CPN1: variants seen among roughly 807,000 people sequenced by gnomAD.
The protein encoded by CPN1 is carboxypeptidase N catalytic chain.
CPN1 carries 37 observed loss-of-function variants against 46.4 expected under a neutral mutation model. The observed-to-expected ratio is 0.80, with a 90% CI of 0.61 to 1.05. The LOEUF (loss-of-function observed/expected upper bound fraction) is 1.05. Among genes scored for constraint, CPN1 ranks in the 50% least tolerant of loss-of-function variants. CPN1 has a pLI of 0.00. For missense variants in CPN1, 563 were observed against 602.6 expected (o/e 0.93, Z 0.69); for synonymous variants, 224 against 235.4 (o/e 0.95, Z 0.44).
intron 6 of CPN1, among the ~76,000 whole-genome samples, chr10:100,054,870 T>A (rs1283752612): frequency 6.6e-6 from 1 of 151,228 alleles, no homozygotes; most frequent in Non-Finnish European, 1.5e-5. Context: ...TAATTTTTTT[T>A]ATTTGCTGTG....
At chr10:100,042,702 A>G (rs2041283171) in intron 8 of CPN1, 129 bp from the exon 9 acceptor site, 1 of 1,188,514 alleles carries the variant, frequency 8.4e-7, no homozygotes, top group Admixed American at 1.9e-5. Context: ...GTGGTGTCAT[A>G]TAGACTTGGC....
At chr10:100,061,572 G>A (rs1227535841) in intron 5 of CPN1, among the ~76,000 whole-genome samples, 2 of 152,152 alleles carry the variant, frequency 1.3e-5, no homozygotes, top group African/African-American at 4.8e-5. Context: ...TGCTAATCAA[G>A]AGACCACACT....
chr10:100,044,406 A>G (rs763401525), intron 8 of CPN1, among the ~76,000 whole-genome samples: 4 of 152,052 alleles, frequency 2.6e-5, no homozygotes, highest in Non-Finnish European at 5.9e-5. Flanking sequence ...ATAAGGTCTT[A>G]CTCTGTCATC....
At chr10:100,062,136 C>T (rs995973012) in intron 5 of CPN1, among the ~76,000 whole-genome samples, 4 of 152,218 alleles carry the variant, frequency 2.6e-5, no homozygotes, top group African/African-American at 9.6e-5. Context: ...GCTGCCTGGG[C>T]CATGGCCAGG....
At chr10:100,060,662 T>C (rs1779268610) in intron 5 of CPN1, among the ~76,000 whole-genome samples, 1 of 152,190 alleles carries the variant, frequency 6.6e-6, no homozygotes, top group South Asian at 2.1e-4. Flanking sequence ...TGAAGAATAA[T>C]AACTACAGCC....
At chr10:100,053,123 TA>T (rs1156802195) in intron 7 of CPN1, among the ~76,000 whole-genome samples, 3 of 152,226 alleles carry the variant, frequency 2.0e-5, no homozygotes, top group African/African-American at 7.2e-5. Flanking sequence ...ATTTGGCTAA[TA>T]GGCTCTGGTT....
intron 5 of CPN1, among the ~76,000 whole-genome samples, 194 bp downstream of exon 5, chr10:100,063,420 C>T (rs2041432454): frequency 6.6e-6 from 1 of 152,154 alleles, no homozygotes; most frequent in African/African-American, 2.4e-5. Flanking sequence ...TGTGCCCAGC[C>T]ATCCCCACCT....
intron 1 of CPN1, among the ~76,000 whole-genome samples, chr10:100,080,008 C>T (rs1451524929): frequency 6.6e-6 from 1 of 151,950 alleles, no homozygotes; most frequent in African/African-American, 2.4e-5. Context: ...ATTGCTTGAA[C>T]CCGGGAGGTG....
intron 1 of CPN1, among the ~76,000 whole-genome samples, chr10:100,080,754 G>A (rs929580366): frequency 1.3e-5 from 2 of 152,096 alleles, no homozygotes; most frequent in Non-Finnish European, 2.9e-5. Flanking sequence ...TTAGCCGGGC[G>A]TATTGGTGCA....
chr10:100,043,971 G>A (rs2041293963), intron 8 of CPN1, among the ~76,000 whole-genome samples: 1 of 152,166 alleles, frequency 6.6e-6, no homozygotes, highest in African/African-American at 2.4e-5. Context: ...CCAGGCTGAA[G>A]AGGAAGGAGA....
chr10:100,054,837 CTTTCTTTT>C (rs2041375875), intron 6 of CPN1, among the ~76,000 whole-genome samples: 1 of 125,996 alleles, frequency 7.9e-6, no homozygotes, highest in African/African-American at 2.9e-5. Flanking sequence ...TCTTTTCTTT[CTTTCTTTT>C]TTTTTTTTTT....
intron 5 of CPN1, among the ~76,000 whole-genome samples, chr10:100,061,134 ATAGT>A (rs531316194): frequency 6.6e-6 from 1 of 152,178 alleles, no homozygotes; most frequent in Non-Finnish European, 1.5e-5. Context: ...GATACAAAAA[ATAGT>A]TAGAAAGAAT....
chr10:100,043,385 A>G (rs1256382965), intron 8 of CPN1, among the ~76,000 whole-genome samples: 2 of 146,300 alleles, frequency 1.4e-5, no homozygotes, highest in Non-Finnish European at 3.0e-5. Context: ...ACAGAGTGAG[A>G]TTCCATCTCA....
At chr10:100,064,874 C>T (rs911091674) in intron 4 of CPN1, among the ~76,000 whole-genome samples, 1 of 151,922 alleles carries the variant, frequency 6.6e-6, no homozygotes, top group African/African-American at 2.4e-5. Context: ...CTACTTTAGA[C>T]CCCCCCAAAA....
At chr10:100,066,361 G>A (rs2041454856) in intron 3 of CPN1, among the ~76,000 whole-genome samples, 1 of 152,196 alleles carries the variant, frequency 6.6e-6, no homozygotes, top group African/African-American at 2.4e-5. Context: ...CACTGCTCCA[G>A]TGACTTCTAA....
Position 100,065,247 on chromosome 10 carries a change from C to A in CPN1, c.700G>T (p.Val234Phe). ...CTGGCGGTGCGGCGGACCCCTCGGA[C>A]CCGGTGCTCAAAGGACTTGTCATAC... ...YPYDKSFEHR[V>F]RGVRRTASTP... The change falls in exon 4 of 9, where the codon GTC becomes TTC. Residue 234 changes from valine (V) to phenylalanine (F), a missense_variant. By Grantham distance (50) the Val-to-Phe change is conservative (BLOSUM62 -1). Transcript: ENST00000370418. 1 of 1,614,144 alleles carries A rather than the reference C, an allele frequency of 6.2e-7. No homozygotes were observed. Among genetic ancestry groups the A allele is most frequent in the Non-Finnish European group, 8.5e-7 (1 of 1,180,028 alleles).
chr10:100,046,766 T>C (rs12772115), intron 8 of CPN1, among the ~76,000 whole-genome samples: 36,774 of 148,098 alleles, frequency 0.25, 5,597 homozygotes, highest in Non-Finnish European at 0.35. Context: ...AGCAAGACTC[T>C]AGTCTCAAAA....
At chr10:100,047,772 G>C (rs899989227) in intron 8 of CPN1, among the ~76,000 whole-genome samples, 1 of 151,864 alleles carries the variant, frequency 6.6e-6, no homozygotes, top group Non-Finnish European at 1.5e-5. Flanking sequence ...GATCACCTGA[G>C]GTCAGAAGTT....
At chr10:100,043,097 AAAAAAAAAAAAAG>A (rs1247228634) in intron 8 of CPN1, among the ~76,000 whole-genome samples, 47 of 143,104 alleles carry the variant, frequency 3.3e-4, no homozygotes, top group African/African-American at 1.2e-3. Context: ...ATCTCAAAAA[AAAAAAAAAAAAAG>A]AAAAAAATTA....
Sources: gnomAD v4.1 joint callset for allele counts (sites outside exome capture counted in the v4.1 genomes callset) on GRCh38, gnomAD v4.1.1 for gene constraint, MANE v1.5 for transcripts, NCBI Gene and HGNC (gene_info 2026-07-23, HGNC 2026-07-21) for gene names.